Variants in TLL1 observed in about 807,000 individuals in gnomAD.
TLL1 encodes tolloid like 1.
Under a neutral mutation model 128.2 loss-of-function variants are expected in TLL1, and 49 were observed. The ratio of observed to expected loss-of-function variants is 0.38; its 90% CI spans 0.30 to 0.48. The LOEUF is 0.48. Ranked by LOEUF, TLL1 falls within the 20% of genes least tolerant of loss-of-function variation. TLL1 has a pLI of 0.96. For missense variants in TLL1, 1,123 were observed against 1,242.0 expected (o/e 0.90, Z 1.44); for synonymous variants, 454 against 418.8 (o/e 1.08, Z -1.03).
chr4:166,057,196 G>T lies in TLL1; in HGVS notation c.1733G>T (p.Cys578Phe), dbSNP rs1389945257. ...ACCATTTTCATAGAGGAAGATGAGT[G>T]TGCCAAACCTGACCGTGGAGGCTGT... Reference protein sequence around the residue: ...AANFFKEEDECAKPDRGGCEQ... With the variant: ...AANFFKEEDEFAKPDRGGCEQ... Residue 578 changes from cysteine to phenylalanine, a missense_variant, in exon 14 of 21, where the codon TGT (cysteine) becomes TTT (phenylalanine). This residue lies in a region of TLL1 where 634 missense variants were observed against 672.4 expected (regional missense o/e 0.94). Coordinates refer to ENST00000061240, the MANE Select transcript of TLL1 (RefSeq NM_012464.5). 1.2e-6 allele frequency: 2 copies of T among 1,613,820 alleles called. No individual in the cohort carries two copies. The highest frequency in any genetic ancestry group is 1.7e-5 in the Admixed American group (1 of 59,978).
intron 18 of TLL1, among the ~76,000 whole-genome samples, chr4:166,083,697 A>G (rs1278997399): frequency 1.5e-5 from 1 of 67,042 alleles, no homozygotes; most frequent in African/African-American, 3.1e-5. Context: ...GGTTTCACCC[A>G]TGTTGTTACA....
intron 19 of TLL1, among the ~76,000 whole-genome samples, chr4:166,096,651 C>T (rs1742036237): frequency 6.6e-6 from 1 of 152,076 alleles, no homozygotes; most frequent in African/African-American, 2.4e-5. Flanking sequence ...AGGTCCTCCC[C>T]TGCAGCTCTT....
At chr4:166,044,348 T>G (rs984614503) in intron 12 of TLL1, 2 of 1,535,272 alleles carry the variant, frequency 1.3e-6, no homozygotes, top group African/African-American at 2.7e-5. Flanking sequence ...GTCATGGTTG[T>G]GTGTCTGTAC....
chr4:166,007,214 C>A (rs111406572), intron 6 of TLL1, among the ~76,000 whole-genome samples: 2 of 151,404 alleles, frequency 1.3e-5, no homozygotes, highest in African/African-American at 4.8e-5. Flanking sequence ...TTTCAAATTT[C>A]GAGAAATAAT....
chr4:166,093,511 T>G (rs1275951453), intron 19 of TLL1, among the ~76,000 whole-genome samples: 1 of 152,180 alleles, frequency 6.6e-6, no homozygotes, highest in East Asian at 1.9e-4. Flanking sequence ...ATTTCAGAAT[T>G]GAACAAATGT....
intron 1 of TLL1, among the ~76,000 whole-genome samples, chr4:165,937,527 C>T (rs1432383860): frequency 6.6e-6 from 1 of 152,150 alleles, no homozygotes; most frequent in East Asian, 1.9e-4. Context: ...TTATAGCTGT[C>T]ACATACAATA....
chr4:166,028,079 T>C (rs1256710739), intron 9 of TLL1, among the ~76,000 whole-genome samples: 2 of 152,040 alleles, frequency 1.3e-5, no homozygotes, highest in Non-Finnish European at 2.9e-5. Context: ...TTCTTTCTCC[T>C]AATATTTGGT....
At chr4:166,042,195 T>A (rs1325505678) in intron 11 of TLL1, 52 bp downstream of exon 11, 1 of 1,197,218 alleles carries the variant, frequency 8.4e-7, no homozygotes, top group Admixed American at 1.7e-5. Flanking sequence ...TCAACAGAAA[T>A]GTTCGTTTCT....
chr4:166,039,431 A>G lies in TLL1; in HGVS notation c.1251A>G (p.Ser417=), dbSNP rs1304257735. The part of the protein sequence containing the change: ...IEVRDGYWRK[S]PLLGRFCGDK... The stretch of plus-strand genomic sequence containing the variant: ...TAAGAGACGGGTACTGGAGAAAATC[A>G]CCTCTCCTTGGTAAGATATCCTTTC... Residue 417 remains serine, a synonymous_variant, in exon 10 of 21, where the codon TCA becomes TCG. Coordinates refer to ENST00000061240, the MANE Select transcript of TLL1 (RefSeq NM_012464.5). 6.2e-7 allele frequency: 1 copy of G among 1,610,798 alleles called. No individual in the cohort carries two copies. Among genetic ancestry groups the G allele is most frequent in the East Asian group, 2.2e-5 (1 of 44,714 alleles).
chr4:165,930,292 G>A (rs1445945870), intron 1 of TLL1, among the ~76,000 whole-genome samples: 4 of 152,092 alleles, frequency 2.6e-5, no homozygotes, highest in Admixed American at 6.5e-5. Flanking sequence ...GACCTTTGGC[G>A]GTAGTAGTAG....
At chr4:165,941,370 A>G (rs897159633) in intron 1 of TLL1, among the ~76,000 whole-genome samples, 9 of 152,124 alleles carry the variant, frequency 5.9e-5, no homozygotes, top group Admixed American at 5.2e-4. Context: ...ATTTTAGGAA[A>G]GAGTCTAGAG....
chr4:166,085,208 G>C (rs925883313), intron 18 of TLL1, among the ~76,000 whole-genome samples: 1 of 149,406 alleles, frequency 6.7e-6, no homozygotes, highest in Non-Finnish European at 1.5e-5. Flanking sequence ...CTCCGCATGA[G>C]ATTGTGTCTT....
chr4:165,881,395 G>T (rs572757108), intron 1 of TLL1, among the ~76,000 whole-genome samples: 1 of 152,236 alleles, frequency 6.6e-6, no homozygotes, highest in Non-Finnish European at 1.5e-5. Context: ...CAGGCAAGTG[G>T]TGAGGGCTTG....
At chr4:165,891,475 C>T (rs1052669096) in intron 1 of TLL1, among the ~76,000 whole-genome samples, 2 of 152,148 alleles carry the variant, frequency 1.3e-5, no homozygotes, top group African/African-American at 4.8e-5. Context: ...GCACTCAAGT[C>T]ACTTCTTGAA....
At chr4:165,989,258 C>A in intron 1 of TLL1, 123 bp from the exon 2 acceptor site, 1 of 726,468 alleles carries the variant, frequency 1.4e-6, no homozygotes. Flanking sequence ...TGATTACTTT[C>A]TGAAAGATCT....
chr4:165,936,641 A>G (rs1733776696), intron 1 of TLL1, among the ~76,000 whole-genome samples: 2 of 152,154 alleles, frequency 1.3e-5, no homozygotes, highest in Admixed American at 6.5e-5. Context: ...ACACTGAATG[A>G]AATGTAGAGA....
At chr4:165,889,098 A>G (rs535384821) in intron 1 of TLL1, among the ~76,000 whole-genome samples, 1 of 152,230 alleles carries the variant, frequency 6.6e-6, no homozygotes, top group African/African-American at 2.4e-5. Flanking sequence ...TGAGTTATGC[A>G]GGAAGCTCAG....
chr4:165,975,520 AAAG>A (rs1222765527), intron 1 of TLL1, among the ~76,000 whole-genome samples: 1 of 152,230 alleles, frequency 6.6e-6, no homozygotes, highest in East Asian at 1.9e-4. Flanking sequence ...AATGACTAAA[AAAG>A]AAATAATGTC....
chr4:166,049,897 A>G (rs1441055431), intron 12 of TLL1, among the ~76,000 whole-genome samples: 1 of 152,022 alleles, frequency 6.6e-6, no homozygotes, highest in Non-Finnish European at 1.5e-5. Flanking sequence ...CCCCCAAAGC[A>G]TAAACAGCTT....
Sources: gnomAD v4.1 joint callset for allele counts (sites outside exome capture counted in the v4.1 genomes callset) on GRCh38, gnomAD v4.1.1 for gene constraint, gnomAD v4.1.1 regional missense constraint, MANE v1.5 for transcripts, NCBI Gene and HGNC (gene_info 2026-07-23, HGNC 2026-07-21) for gene names.